Variants in BABAM2 observed in about 807,000 individuals in gnomAD.
BABAM2 encodes BRISC and BRCA1-A complex member 2.
BABAM2 carries 31 observed loss-of-function variants against 54.7 expected under a neutral mutation model. The ratio of observed to expected loss-of-function variants is 0.57; its 90% confidence interval spans 0.43 to 0.77. The LOEUF (loss-of-function observed/expected upper bound fraction) is 0.77, where lower values mean the gene tolerates loss of function less well. Among genes scored for constraint, BABAM2 ranks in the 30% least tolerant of loss-of-function variants. The probability of loss-of-function intolerance (pLI) is 0.00; values close to 1 mark genes in which losing one functional copy is unlikely to be tolerated. For synonymous variants in BABAM2, 167 were observed against 162.9 expected (o/e 1.03, Z -0.19); for missense variants, 364 against 455.8 (o/e 0.80, Z 1.83).
At chr2:28,090,663 T>C (rs1666084834) in intron 6 of BABAM2, among the ~76,000 whole-genome samples, 1 of 152,176 alleles carries the variant, frequency 6.6e-6, no homozygotes, top group South Asian at 2.1e-4. Context: ...CCCCGGGGAT[T>C]ATTATACTTC....
chr2:28,205,217 T>C (rs1678711928), intron 7 of BABAM2, among the ~76,000 whole-genome samples: 1 of 152,056 alleles, frequency 6.6e-6, no homozygotes, highest in African/African-American at 2.4e-5. Context: ...AGTAAGTAAG[T>C]ATGGCCAGGC....
chr2:28,060,453 T>G (rs1284703483), intron 6 of BABAM2, among the ~76,000 whole-genome samples: 2 of 152,116 alleles, frequency 1.3e-5, no homozygotes, highest in African/African-American at 4.8e-5. Context: ...GGCAAAGATG[T>G]TACTCTCACC....
intron 6 of BABAM2, among the ~76,000 whole-genome samples, chr2:28,121,040 C>A (rs1168293707): frequency 6.6e-6 from 1 of 152,142 alleles, no homozygotes; most frequent in Non-Finnish European, 1.5e-5. Context: ...TCAGAAGTAA[C>A]TACTAAATGC....
intron 5 of BABAM2, among the ~76,000 whole-genome samples, chr2:28,032,949 T>C (rs1676404621): frequency 6.6e-6 from 1 of 152,170 alleles, no homozygotes; most frequent in Non-Finnish European, 1.5e-5. Flanking sequence ...AAATTGACAT[T>C]GGTACAATGT....
At chr2:27,890,222 C>A, upstream of BABAM2, 1 of 1,602,152 alleles carries the variant, frequency 6.2e-7, no homozygotes, top group Non-Finnish European at 8.5e-7. This position sits in a 1 kb window ranked among gnomAD's most constrained non-coding sequence, Gnocchi z 4.8. Flanking sequence ...CCTCCTCCCC[C>A]GAGCCGCAGA....
chr2:28,034,530 A>C (rs1433184638), intron 5 of BABAM2, among the ~76,000 whole-genome samples: 1 of 152,182 alleles, frequency 6.6e-6, no homozygotes, highest in African/African-American at 2.4e-5. Context: ...AAATGCTGTT[A>C]ATCATAAAGT....
chr2:28,139,620 G>A (rs1050722047), intron 7 of BABAM2, among the ~76,000 whole-genome samples: 2 of 152,148 alleles, frequency 1.3e-5, no homozygotes, highest in African/African-American at 4.8e-5. Flanking sequence ...ACCTCTTAGT[G>A]TTTTGTTGCA....
intron 7 of BABAM2, among the ~76,000 whole-genome samples, chr2:28,193,651 T>G (rs1677186753): frequency 6.6e-6 from 1 of 152,208 alleles, no homozygotes; most frequent in Admixed American, 6.5e-5. Flanking sequence ...CAAAGGTATA[T>G]AATCTTTTCA....
chr2:28,111,570 C>T (rs532104052), intron 6 of BABAM2, among the ~76,000 whole-genome samples: 4 of 152,292 alleles, frequency 2.6e-5, no homozygotes, highest in African/African-American at 9.6e-5. Flanking sequence ...TGTAAAATAT[C>T]TTCCACTCTC....
At position 28,001,861 on chromosome 2, in the gene BABAM2, T is replaced by C. The variant is rs141629625; in HGVS notation, c.300+13774T>C. 6.3e-3 allele frequency among the ~76,000 whole-genome samples: 959 copies of C among 151,958 alleles called. 7 individuals are homozygous for C. The highest frequency in any genetic ancestry group is 7.8e-3 in the Non-Finnish European group (532 of 67,966). On this transcript the variant is annotated intron_variant, in intron 4 of 11. Transcript: ENST00000379624. ...GACCCGCCCCTATGCACCAAACACC[T>C]CCCACCAGGCCCCACCTCCAACATT... is the stretch of plus-strand genomic sequence containing the variant.
intron 6 of BABAM2, among the ~76,000 whole-genome samples, chr2:28,049,938 C>G (rs1677878831): frequency 6.6e-6 from 1 of 152,212 alleles, no homozygotes; most frequent in Non-Finnish European, 1.5e-5. Context: ...TATAGTCAGT[C>G]TGCTTTCTAA....
chr2:28,071,741 A>G (rs771844487), intron 6 of BABAM2, among the ~76,000 whole-genome samples: 2 of 152,246 alleles, frequency 1.3e-5, no homozygotes, highest in Non-Finnish European at 2.9e-5. Flanking sequence ...CGTTTTCAAG[A>G]TAATGAATTA....
chr2:28,307,727 T>A (rs188732729), intron 11 of BABAM2: 2 of 152,284 alleles, frequency 1.3e-5, no homozygotes, highest in Admixed American at 1.3e-4. Context: ...CAACTAACTT[T>A]TAAAGAATTC....
intron 6 of BABAM2, among the ~76,000 whole-genome samples, chr2:28,119,420 G>C (rs1382704760): frequency 2.6e-5 from 4 of 152,086 alleles, no homozygotes; most frequent in African/African-American, 7.2e-5. Flanking sequence ...CAGAGTAGGG[G>C]CTCCATTTCA....
intron 7 of BABAM2, among the ~76,000 whole-genome samples, chr2:28,147,930 T>TACCTCCCTATATTA (rs1671657639): frequency 2.6e-5 from 4 of 152,214 alleles, no homozygotes; most frequent in African/African-American, 9.6e-5. Context: ...GACCACTTAA[T>TACCTCCCTATATTA]ATACCTCCCT....
intron 7 of BABAM2, among the ~76,000 whole-genome samples, chr2:28,219,989 C>T (rs540552175): frequency 7.2e-5 from 11 of 152,274 alleles, no homozygotes; most frequent in Non-Finnish European, 1.3e-4. Flanking sequence ...TGAATTTTGT[C>T]CCTCACTTGT....
At chr2:27,985,570 A>ATTTC (rs1456528443) in intron 3 of BABAM2, among the ~76,000 whole-genome samples, 1 of 152,028 alleles carries the variant, frequency 6.6e-6, no homozygotes, top group Non-Finnish European at 1.5e-5. Flanking sequence ...AGAGAATAGA[A>ATTTC]TTTCTTTAAT....
chr2:28,324,478 GA>G (rs1690275637), intron 11 of BABAM2, among the ~76,000 whole-genome samples: 1 of 152,068 alleles, frequency 6.6e-6, no homozygotes, highest in African/African-American at 2.4e-5. Flanking sequence ...TGTGATCTTA[GA>G]AAAGTTACTT....
At chr2:28,133,969 G>A (rs1405832033) in intron 7 of BABAM2, among the ~76,000 whole-genome samples, 1 of 152,146 alleles carries the variant, frequency 6.6e-6, no homozygotes, top group African/African-American at 2.4e-5. Flanking sequence ...GTGGCTGCAC[G>A]CCCTTACGAT....
Sources: allele counts gnomAD v4.1 joint callset (sites outside exome capture counted in the v4.1 genomes callset), GRCh38; gene constraint gnomAD v4.1.1; non-coding constraint Gnocchi (gnomAD v3.1); transcripts MANE v1.5; gene names NCBI Gene and HGNC (gene_info 2026-07-23, HGNC 2026-07-21).